MYO1B: variants seen among roughly 807,000 people sequenced by gnomAD.
MYO1B encodes unconventional myosin-Ib.
Under a neutral mutation model 159.7 loss-of-function variants are expected in MYO1B, and 72 were observed. The ratio of observed to expected loss-of-function variants is 0.45; its 90% CI spans 0.37 to 0.55. The LOEUF (loss-of-function observed/expected upper bound fraction) is 0.55, where lower values mean the gene tolerates loss of function less well. Ranked by LOEUF, MYO1B falls within the 20% of genes least tolerant of loss-of-function variation. The probability of loss-of-function intolerance (pLI) is 0.00; values close to 1 mark genes in which losing one functional copy is unlikely to be tolerated. For synonymous variants in MYO1B, 468 were observed against 473.8 expected (o/e 0.99, Z 0.16); for missense variants, 1,062 against 1,364.8 (o/e 0.78, Z 3.50).
At chr2:191,294,809 T>TAA (rs1433469630) in intron 2 of MYO1B, among the ~76,000 whole-genome samples, 2 of 152,146 alleles carry the variant, frequency 1.3e-5, no homozygotes, top group Admixed American at 6.5e-5. Flanking sequence ...TATATATATA[T>TAA]AACCTGTTCA....
At chr2:191,249,309 A>C (rs1685974507) in intron 1 of MYO1B, among the ~76,000 whole-genome samples, 1 of 152,136 alleles carries the variant, frequency 6.6e-6, no homozygotes, top group Admixed American at 6.5e-5. Context: ...CAGGCCATAG[A>C]TTTTTCCCAG....
At chr2:191,347,999 C>G (rs1457285728) in intron 6 of MYO1B, among the ~76,000 whole-genome samples, 1 of 152,166 alleles carries the variant, frequency 6.6e-6, no homozygotes, top group Non-Finnish European at 1.5e-5. Context: ...AACCAGTATT[C>G]CCATGGAGAT....
In MYO1B at chr2:191,283,677, A is replaced by G. The variant is rs561132730; in HGVS notation, c.135+6647A>G. On this transcript the variant is annotated intron_variant, in intron 2 of 30. Transcript: ENST00000392318. ...AACTGTCCACGATCACACAGCAAGT[A>G]GGTGATGGAGCTGAAACTCACACCC... Among the ~76,000 whole-genome samples, 282 of 152,348 alleles carry G rather than the reference A, an allele frequency of 1.9e-3. 1 individual carries two copies. The highest frequency in any genetic ancestry group is 6.0e-3 in the African/African-American group (251 of 41,576).
intron 1 of MYO1B, among the ~76,000 whole-genome samples, chr2:191,274,342 T>A (rs1050986470): frequency 6.6e-6 from 1 of 152,208 alleles, no homozygotes; most frequent in African/African-American, 2.4e-5. Context: ...TAGATATAAA[T>A]TCCACATTGG....
At chr2:191,262,479 A>G (rs1686876084) in intron 1 of MYO1B, among the ~76,000 whole-genome samples, 1 of 152,106 alleles carries the variant, frequency 6.6e-6, no homozygotes, top group Admixed American at 6.6e-5. Flanking sequence ...TGTCATCTGT[A>G]TGTAGTGGCT....
Position 191,364,952 on chromosome 2 carries a change from T to C in MYO1B, c.1032+676T>C, listed in dbSNP as rs140320734. 5.6e-3 allele frequency among the ~76,000 whole-genome samples: 837 copies of C among 150,604 alleles called. 5 individuals are homozygous for C. Among genetic ancestry groups the C allele is most frequent in the African/African-American group, 0.02 (808 of 39,912 alleles). ...TCATTTACTGATTTGGAGAAGACAGTGGGAGAAGCCAAATTGGCCTCCCTG... is the reference window on the plus strand; with the variant it reads ...TCATTTACTGATTTGGAGAAGACAGCGGGAGAAGCCAAATTGGCCTCCCTG... On this transcript the variant is annotated intron_variant, in intron 11 of 30. Coordinates refer to ENST00000392318, the MANE Select transcript of MYO1B (RefSeq NM_001130158.3).
rs1413679638 is a variant in MYO1B at position 191,393,147 on chromosome 2, G to T, written c.2151G>T (p.Gly717=). The part of the protein sequence containing the change: ...LATLIQKIYR[G]WKCRTHFLLM... The stretch of plus-strand genomic sequence containing the variant: ...CTCTCATTCAGAAGATATATCGGGG[G>T]TGGAAATGCCGCACACACTTCCTGC... Residue 717 remains glycine, a synonymous_variant, in exon 20 of 31, where the codon GGG becomes GGT. Transcript: ENST00000392318. 6.2e-7 allele frequency: 1 copy of T among 1,613,998 alleles called. No homozygotes were observed. Among genetic ancestry groups the T allele is most frequent in the Admixed American group, 1.7e-5 (1 of 60,004 alleles).
intron 1 of MYO1B, among the ~76,000 whole-genome samples, chr2:191,268,543 G>C (rs1687275380): frequency 6.6e-6 from 1 of 152,172 alleles, no homozygotes; most frequent in Non-Finnish European, 1.5e-5. Flanking sequence ...ATTGACACTG[G>C]TTTAAGTTGG....
chr2:191,330,787 C>T (rs2125919404), intron 4 of MYO1B, among the ~76,000 whole-genome samples: 1 of 152,258 alleles, frequency 6.6e-6, no homozygotes, highest in South Asian at 2.1e-4. Context: ...CGTAAAGTTT[C>T]ATCTGTAAAA....
At chr2:191,263,139 T>C (rs1384916680) in intron 1 of MYO1B, 1 of 156,304 alleles carries the variant, frequency 6.4e-6, no homozygotes, top group Non-Finnish European at 1.4e-5. Context: ...GTCCAGCATG[T>C]ATCCATGATG....
intron 1 of MYO1B, among the ~76,000 whole-genome samples, chr2:191,257,869 G>C (rs1244728222): frequency 2.0e-5 from 3 of 152,044 alleles, no homozygotes; most frequent in Non-Finnish European, 4.4e-5. Context: ...CCACAATTTA[G>C]GTATTTTATC....
rs747570635 is a variant in MYO1B, at chr2:191,369,580, C to T, written c.1071C>T (p.Tyr357=). 5.6e-6 allele frequency: 9 copies of T among 1,613,436 alleles called. No individual in the cohort carries two copies. The highest frequency in any genetic ancestry group is 5.5e-5 in the South Asian group (5 of 91,054). ...GTGATGCTCTGGCTAAAAACCTCTA[C>T]AGCAGGTTGTTTTCATGGTTGGTAA... is the stretch of plus-strand genomic sequence containing the variant. ...YARDALAKNL[Y]SRLFSWLVNR... is the part of the protein sequence containing the mutation. The change falls in exon 12 of 31, where the codon TAC becomes TAT. Residue 357 remains tyrosine (Y), a synonymous_variant. Coordinates refer to ENST00000392318, the MANE Select transcript of MYO1B (RefSeq NM_001130158.3).
At chr2:191,370,957 A>G (rs1346534431) in intron 13 of MYO1B, 2 of 152,264 alleles carry the variant, frequency 1.3e-5, no homozygotes, top group East Asian at 1.9e-4. Context: ...TAAGCAACAC[A>G]TATACCTAAA....
chr2:191,331,802 C>T (rs1359711735), intron 4 of MYO1B, among the ~76,000 whole-genome samples: 1 of 152,158 alleles, frequency 6.6e-6, no homozygotes. Flanking sequence ...TCACATGGTG[C>T]TTATGAGAGC....
chr2:191,381,207 T>C, intron 13 of MYO1B: 1 of 494,668 alleles, frequency 2.0e-6, no homozygotes, highest in Non-Finnish European at 3.7e-6. Flanking sequence ...TTTGGGGTGC[T>C]TCTCTGTCAA....
intron 11 of MYO1B, among the ~76,000 whole-genome samples, chr2:191,367,242 T>A (rs1013140446): frequency 2.6e-5 from 4 of 152,206 alleles, no homozygotes; most frequent in African/African-American, 9.6e-5. Flanking sequence ...GTTGTGGAGA[T>A]TTGGTGGCAT....
chr2:191,350,706 A>G (rs947738649), intron 7 of MYO1B, among the ~76,000 whole-genome samples: 2 of 151,984 alleles, frequency 1.3e-5, no homozygotes, highest in Non-Finnish European at 2.9e-5. Context: ...AGTGTATTTA[A>G]GTGATTGGAA....
chr2:191,285,823 G>A (rs1364873204), intron 2 of MYO1B, among the ~76,000 whole-genome samples: 1 of 152,174 alleles, frequency 6.6e-6, no homozygotes, highest in Non-Finnish European at 1.5e-5. Flanking sequence ...AACTTGGGTT[G>A]TGTTGGTTCA....
At chr2:191,423,431 A>G (rs1698068710) in intron 30 of MYO1B, among the ~76,000 whole-genome samples, 1 of 152,140 alleles carries the variant, frequency 6.6e-6, no homozygotes, top group Admixed American at 6.6e-5. Context: ...CTGACAGTGA[A>G]TTAGGTATGT....
Sources: gnomAD v4.1 joint callset for allele counts (sites outside exome capture counted in the v4.1 genomes callset) on GRCh38, gnomAD v4.1.1 for gene constraint, MANE v1.5 for transcripts, NCBI Gene and HGNC (gene_info 2026-07-23, HGNC 2026-07-21) for gene names.